AGBL1: variants seen among roughly 807,000 people sequenced by gnomAD.
AGBL1 encodes cytosolic carboxypeptidase 4.
AGBL1 carries 130 observed loss-of-function variants against 118.9 expected under a neutral mutation model. That is an observed-to-expected ratio of 1.09 (90% CI 0.95 to 1.26). The LOEUF is 1.26. Among genes scored for constraint, AGBL1 ranks in the 50% most tolerant of loss-of-function variants. AGBL1 has a pLI of 0.00. For missense variants in AGBL1, 1,584 were observed against 1,298.1 expected (o/e 1.22, Z -3.38); for synonymous variants, 555 against 478.9 (o/e 1.16, Z -2.08).
At chr15:86,560,652 C>G (rs2083804460) in intron 21 of AGBL1, among the ~76,000 whole-genome samples, 1 of 152,206 alleles carries the variant, frequency 6.6e-6, no homozygotes, top group African/African-American at 2.4e-5. Flanking sequence ...TGGTTATATA[C>G]CCAGTAATGG....
intron 22 of AGBL1, among the ~76,000 whole-genome samples, chr15:86,791,352 A>T (rs1406664868): frequency 6.6e-6 from 1 of 152,180 alleles, no homozygotes; most frequent in Non-Finnish European, 1.5e-5. Context: ...AAACTCCATG[A>T]GTTTTCACTT....
chr15:86,822,835 T>C (rs2078960287), intron 22 of AGBL1, among the ~76,000 whole-genome samples: 1 of 151,392 alleles, frequency 6.6e-6, no homozygotes, highest in Non-Finnish European at 1.5e-5. Context: ...GGATAAATAC[T>C]GAAGAGCAGG....
At chr15:86,105,212 T>C (rs1012965333) in intron 1 of AGBL1, 1 of 152,188 alleles carries the variant, frequency 6.6e-6, no homozygotes, top group East Asian at 1.9e-4. Context: ...CCTGATTCCT[T>C]GTTGAGCTAT....
At chr15:86,154,343 A>G (rs2077158850) in intron 3 of AGBL1, 87 bp from the exon 4 acceptor site, 2 of 1,433,450 alleles carry the variant, frequency 1.4e-6, no homozygotes, top group Non-Finnish European at 1.9e-6. Context: ...CTCCTCCTTC[A>G]CCATCTTCCC....
intron 22 of AGBL1, among the ~76,000 whole-genome samples, chr15:86,762,668 T>C (rs2078043030): frequency 6.6e-6 from 1 of 152,018 alleles, no homozygotes. Context: ...AAGGACTGTA[T>C]CCTAGCCCTG....
Position 86,267,072 on chromosome 15 carries a change from C to T in AGBL1, c.1834C>T (p.Arg612Cys), listed in dbSNP as rs767547891. The part of the protein sequence containing the change: ...SGNLRKAIQV[R>C]EFEYDLLVNA... ...AAATCTTCGCAAAGCCATCCAAGTGCGTGAGTAAGTAAGGAAAACCACAGT... is the reference window on the plus strand; with the variant it reads ...AAATCTTCGCAAAGCCATCCAAGTGTGTGAGTAAGTAAGGAAAACCACAGT... The change falls in exon 13 of 23, where the codon CGT (arginine) becomes TGT (cysteine). Residue 612 changes from arginine (R) to cysteine (C), a missense_variant. Transcript: ENST00000614907. 1.3e-5 allele frequency: 20 copies of T among 1,559,802 alleles called. No individual in the cohort carries two copies. Among genetic ancestry groups the T allele is most frequent in the East Asian group, 2.4e-5 (1 of 41,974 alleles).
intron 23 of AGBL1, among the ~76,000 whole-genome samples, chr15:86,925,143 A>AGAGGAGGAGGAGGAGGAGGAGGAGGAG (rs1176964792): frequency 3.7e-5 from 3 of 80,526 alleles, no homozygotes; most frequent in Admixed American, 1.4e-4. Context: ...AGGAAGAGGA[A>AGAGGAGGAGGAGGAGGAGGAGGAGGAG]GAGGAGGAGG....
chr15:86,647,155 GAATT>G (rs777719014), intron 21 of AGBL1, among the ~76,000 whole-genome samples: 9 of 152,060 alleles, frequency 5.9e-5, no homozygotes, highest in Non-Finnish European at 1.3e-4. Flanking sequence ...ATTTGAGCTA[GAATT>G]AATAGTTTAA....
chr15:86,701,055 G>A (rs2086349975), intron 22 of AGBL1, among the ~76,000 whole-genome samples: 1 of 152,270 alleles, frequency 6.6e-6, no homozygotes, highest in Non-Finnish European at 1.5e-5. Flanking sequence ...AATTCCAGGT[G>A]CACATTAACA....
intron 18 of AGBL1, among the ~76,000 whole-genome samples, chr15:86,501,035 A>AT (rs1246554944): frequency 6.6e-6 from 1 of 151,700 alleles, no homozygotes; most frequent in East Asian, 1.9e-4. Context: ...TTGTCGGATC[A>AT]TATGGTGCTG....
In AGBL1 at chr15:86,904,149, T is replaced by C. The variant is rs1002923480; in HGVS notation, c.3159-2938T>C. On this transcript the variant is annotated intron_variant, in intron 22 of 22. Coordinates refer to ENST00000614907, the MANE Select transcript of AGBL1 (RefSeq NM_001386094.1). ...TCGTGTGGCTAGAGGAAACAAGCTC[T>C]TGTTGGGGCTTTTAATCATCTGCAC... 4.6e-4 allele frequency among the ~76,000 whole-genome samples: 70 copies of C among 152,302 alleles called. 1 individual carries two copies. The highest frequency in any genetic ancestry group is 1.7e-3 in the African/African-American group (69 of 41,572).
chr15:86,832,116 C>T (rs1279124437), intron 22 of AGBL1, among the ~76,000 whole-genome samples: 5 of 152,220 alleles, frequency 3.3e-5, no homozygotes, highest in Admixed American at 1.3e-4. Flanking sequence ...TCCGAGACTG[C>T]ACAAAGCAGC....
At chr15:86,303,757 A>C (rs1159806278) in intron 17 of AGBL1, among the ~76,000 whole-genome samples, 1 of 152,184 alleles carries the variant, frequency 6.6e-6, no homozygotes, top group Non-Finnish European at 1.5e-5. Context: ...TCAGTCCTAG[A>C]ACATTCTATT....
chr15:86,705,135 G>C (rs1395858558), intron 22 of AGBL1, among the ~76,000 whole-genome samples: 1 of 152,108 alleles, frequency 6.6e-6, no homozygotes, highest in African/African-American at 2.4e-5. Context: ...CCCTGTCAGT[G>C]GCTGGTGGGG....
intron 20 of AGBL1, among the ~76,000 whole-genome samples, chr15:86,546,765 A>T (rs929742761): frequency 1.3e-5 from 2 of 152,194 alleles, no homozygotes; most frequent in African/African-American, 2.4e-5. Context: ...GGGAGGGGTA[A>T]AGAAGGGAGT....
intron 17 of AGBL1, among the ~76,000 whole-genome samples, chr15:86,377,803 T>A (rs1371959159): frequency 6.6e-6 from 1 of 152,188 alleles, no homozygotes; most frequent in African/African-American, 2.4e-5. Flanking sequence ...CCTGGTGATT[T>A]GGAGGTCATC....
At chr15:86,292,361 C>T (rs2079561398) in intron 16 of AGBL1, among the ~76,000 whole-genome samples, 1 of 152,034 alleles carries the variant, frequency 6.6e-6, no homozygotes, top group African/African-American at 2.4e-5. Context: ...TGCAGGTGAC[C>T]TCTAGAAGCT....
chr15:87,028,038 A>AAAAT (rs2081751688), intron 24 of AGBL1, among the ~76,000 whole-genome samples: 9 of 149,698 alleles, frequency 6.0e-5, no homozygotes, highest in African/African-American at 2.2e-4. Context: ...CACTGAACTT[A>AAAAT]AAAGTGGAAG....
chr15:86,607,326 G>A (rs1016010432), intron 21 of AGBL1, among the ~76,000 whole-genome samples: 16 of 152,162 alleles, frequency 1.1e-4, no homozygotes, highest in Non-Finnish European at 2.1e-4. Flanking sequence ...CCAAATCTTT[G>A]ATGTGCTTGG....
Sources: gnomAD v4.1 joint callset for allele counts (sites outside exome capture counted in the v4.1 genomes callset) on GRCh38, gnomAD v4.1.1 for gene constraint, MANE v1.5 for transcripts, NCBI Gene and HGNC (gene_info 2026-07-23, HGNC 2026-07-21) for gene names.